The following RSBN1L variants were observed in gnomAD, a reference collection of about 807,000 sequenced individuals.
RSBN1L encodes the protein round spermatid basic protein 1 like.
RSBN1L carries 30 observed loss-of-function variants against 67.7 expected under a neutral mutation model. The ratio of observed to expected loss-of-function variants is 0.44; its 90% CI spans 0.33 to 0.60. The LOEUF (loss-of-function observed/expected upper bound fraction) is 0.60. Ranked by LOEUF, RSBN1L falls within the 20% of genes least tolerant of loss-of-function variation. The pLI is 0.02. For synonymous variants in RSBN1L, 433 were observed against 387.0 expected (o/e 1.12, Z -1.39); for missense variants, 992 against 1,031.7 (o/e 0.96, Z 0.53).
Position 77,780,477 on chromosome 7 carries a change from G to A in RSBN1L, c.*1309G>A, listed in dbSNP as rs899021967. 6 of 152,194 alleles carry A rather than the reference G, an allele frequency of 3.9e-5. No homozygotes were observed. The highest frequency in any genetic ancestry group is 1.2e-4 in the African/African-American group (5 of 41,538). The allele number at this position is 152,194 out of a possible 1,614,324, so 9.4% of individuals were successfully genotyped here. A position where few individuals can be genotyped will look rare whatever the true frequency, so the allele number is the denominator to read the frequency against. Reference sequence around the variant, plus strand: ...TGTATGGGATGATAAGAAGTTTAGAGAATTTTCTTACTAGTAAGTACCTTT... The same window carrying A: ...TGTATGGGATGATAAGAAGTTTAGAAAATTTTCTTACTAGTAAGTACCTTT... On this transcript the variant is annotated 3_prime_UTR_variant, in exon 8 of 8. Transcript: ENST00000334955.
chr7:77,729,955 A>G (rs1791253350), intron 1 of RSBN1L, among the ~76,000 whole-genome samples: 2 of 152,204 alleles, frequency 1.3e-5, no homozygotes, highest in South Asian at 2.1e-4. Flanking sequence ...CCCTGTCTCA[A>G]AAAAACAATT....
intron 5 of RSBN1L, among the ~76,000 whole-genome samples, chr7:77,772,471 A>G (rs905677053): frequency 2.6e-5 from 4 of 152,238 alleles, no homozygotes; most frequent in African/African-American, 4.8e-5. Context: ...GTAGGCAGCA[A>G]CTTCTGCGTG....
chr7:77,743,465 T>G (rs1223539293), intron 2 of RSBN1L, among the ~76,000 whole-genome samples: 1 of 29,208 alleles, frequency 3.4e-5, no homozygotes, highest in Non-Finnish European at 5.8e-5. Flanking sequence ...GTTGGTTTTG[T>G]TTTTTTTTTT....
intron 2 of RSBN1L, among the ~76,000 whole-genome samples, chr7:77,742,476 T>C (rs967658107): frequency 6.6e-6 from 1 of 152,146 alleles, no homozygotes; most frequent in African/African-American, 2.4e-5. Context: ...ATTGGTCATA[T>C]AGGCACCATT....
chr7:77,706,004 G>A (rs950229111), intron 1 of RSBN1L, among the ~76,000 whole-genome samples: 1 of 150,854 alleles, frequency 6.6e-6, no homozygotes, highest in Non-Finnish European at 1.5e-5. Context: ...AGGTTCAAGC[G>A]ATTCCTGCCT....
chr7:77,773,717 C>G (rs548906803), intron 6 of RSBN1L, among the ~76,000 whole-genome samples: 2 of 152,152 alleles, frequency 1.3e-5, no homozygotes, highest in African/African-American at 4.8e-5. Flanking sequence ...GAGCCGAGAT[C>G]GCGCCACTGC....
chr7:77,739,190 C>A (rs968330917), intron 2 of RSBN1L, among the ~76,000 whole-genome samples: 1 of 152,214 alleles, frequency 6.6e-6, no homozygotes, highest in Non-Finnish European at 1.5e-5. Context: ...CTTGGAACAA[C>A]AAATCATTTA....
At chr7:77,768,250 GTTTTGT>G (rs1259643466) in intron 4 of RSBN1L, 1 of 154,806 alleles carries the variant, frequency 6.5e-6, no homozygotes, top group East Asian at 1.9e-4. Flanking sequence ...ATTTTGTTTT[GTTTTGT>G]TTTTAATTAT....
chr7:77,704,764 G>A (rs941554992), intron 1 of RSBN1L, among the ~76,000 whole-genome samples: 1 of 151,958 alleles, frequency 6.6e-6, no homozygotes, highest in African/African-American at 2.4e-5. Context: ...GATCACCTGG[G>A]GTCAAGGAGT....
intron 1 of RSBN1L, among the ~76,000 whole-genome samples, chr7:77,714,855 C>T (rs1235922803): frequency 4.7e-5 from 7 of 149,916 alleles, no homozygotes; most frequent in Admixed American, 2.0e-4. Flanking sequence ...CCCAGCTACT[C>T]GGGAGGCTGA....
intron 1 of RSBN1L, among the ~76,000 whole-genome samples, chr7:77,704,375 C>T (rs1375177647): frequency 6.6e-6 from 1 of 152,096 alleles, no homozygotes; most frequent in African/African-American, 2.4e-5. Context: ...CTTAAAACTT[C>T]AAAACATTTT....
intron 3 of RSBN1L, among the ~76,000 whole-genome samples, chr7:77,751,554 C>T (rs936525808): frequency 3.9e-5 from 6 of 152,162 alleles, no homozygotes; most frequent in Non-Finnish European, 8.8e-5. Flanking sequence ...ATTACTAGCC[C>T]TGTCATTTTA....
In RSBN1L at chr7:77,766,175, C is replaced by T. The variant is rs145390104; in HGVS notation, c.1482+543C>T. Among the ~76,000 whole-genome samples the T allele has an allele frequency of 1.5e-3, 233 of 152,306 alleles. 1 individual carries two copies. The highest frequency in any genetic ancestry group is 5.2e-3 in the African/African-American group (218 of 41,554). On this transcript the variant is annotated intron_variant, in intron 4 of 7. Transcript: ENST00000334955. The stretch of plus-strand genomic sequence containing the variant: ...TCATCCATAAAATAACATGTTTAGA[C>T]AATGTAGCCAAAGGCCCCTCTATTT...
intron 5 of RSBN1L, among the ~76,000 whole-genome samples, chr7:77,770,979 G>A (rs1791840862): frequency 6.6e-6 from 1 of 152,120 alleles, no homozygotes; most frequent in Non-Finnish European, 1.5e-5. Context: ...GTCTTGCTCT[G>A]TCGCCAGGCT....
intron 1 of RSBN1L, among the ~76,000 whole-genome samples, chr7:77,734,662 T>G (rs2150420358): frequency 6.6e-6 from 1 of 152,250 alleles, no homozygotes; most frequent in Middle Eastern, 3.4e-3. Context: ...CTAATTTTTG[T>G]ATTTTTAGTA....
intron 1 of RSBN1L, among the ~76,000 whole-genome samples, chr7:77,709,490 A>G (rs1401656590): frequency 2.0e-5 from 3 of 152,068 alleles, no homozygotes; most frequent in African/African-American, 4.8e-5. Flanking sequence ...GGGTTTCACC[A>G]TAATGGCCAG....
At position 77,749,821 on chromosome 7, in the gene RSBN1L, C is replaced by A. The variant is rs1791531148; in HGVS notation, c.1101C>A (p.Asn367Lys). ...CATCGGTTATCCATGCCTACAGTAA[C>A]GAACTCTCCCACCTGTCTCCTATGG... ...GGASVIHAYSNELSHLSPMEM... is the reference protein window; with the variant it reads ...GGASVIHAYSKELSHLSPMEM... The change falls in exon 3 of 8, where the codon AAC becomes AAA. Residue 367 changes from asparagine (N) to lysine (K), a missense_variant. Asn to Lys is a moderately conservative substitution (Grantham distance 94). This residue lies in a region of RSBN1L where 575 missense variants were observed against 483.2 expected (regional missense o/e 1.19). Coordinates refer to ENST00000334955, the MANE Select transcript of RSBN1L (RefSeq NM_198467.3). 1 of 1,614,038 alleles carries A rather than the reference C, an allele frequency of 6.2e-7. No homozygotes were observed.
chr7:77,724,462 G>C (rs1182664329), intron 1 of RSBN1L, among the ~76,000 whole-genome samples: 6 of 138,312 alleles, frequency 4.3e-5, no homozygotes, highest in African/African-American at 1.6e-4. Flanking sequence ...GTCTCACTCT[G>C]TTGTCCAGGT....
At chr7:77,704,795 A>G (rs1434239125) in intron 1 of RSBN1L, among the ~76,000 whole-genome samples, 1 of 152,156 alleles carries the variant, frequency 6.6e-6, no homozygotes, top group Admixed American at 6.6e-5. Flanking sequence ...CCTGGCCAAC[A>G]TGGTAAAACC....
Sources: gnomAD v4.1 joint callset for allele counts (sites outside exome capture counted in the v4.1 genomes callset) on GRCh38, gnomAD v4.1.1 for gene constraint, gnomAD v4.1.1 regional missense constraint, MANE v1.5 for transcripts, NCBI Gene and HGNC (gene_info 2026-07-23, HGNC 2026-07-21) for gene names.